ZNF140: variants seen among roughly 807,000 people sequenced by gnomAD.
ZNF140 encodes the protein zinc finger protein 140 (clone pHZ-39).
ZNF140 carries 13 observed loss-of-function variants against 12.9 expected under a neutral mutation model. The ratio of observed to expected loss-of-function variants is 1.01; its 90% CI spans 0.66 to 1.60. ZNF140 has a LOEUF of 1.60. Among genes scored for constraint, ZNF140 ranks in the 40% most tolerant of loss-of-function variants. The pLI is 0.00. For missense variants in ZNF140, 531 were observed against 548.8 expected (o/e 0.97, Z 0.32); for synonymous variants, 214 against 186.7 (o/e 1.15, Z -1.19).
At chr12:133,081,807 T>C in intron 2 of ZNF140, 1 of 244,426 alleles carries the variant, frequency 4.1e-6, no homozygotes, top group Non-Finnish European at 8.3e-6. Flanking sequence ...TTATTCAATA[T>C]GTTTTTACTG....
Position 133,105,912 on chromosome 12 carries a change from C to T in ZNF140, c.635C>T (p.Thr212Ile). Residue 212 changes from threonine to isoleucine, a missense_variant, in exon 5 of 5, where the codon ACT (threonine) becomes ATT (isoleucine). Physicochemically the swap from Thr to Ile is moderately conservative, Grantham distance 89. Coordinates refer to ENST00000355557, the MANE Select transcript of ZNF140 (RefSeq NM_003440.4). ...CTTGTGAAACACCAAATGATACATA[C>T]TGGAAAGAAACCCCATGAGTGTAAG... ...SNLVKHQMIH[T>I]GKKPHECKDC... The T allele has an allele frequency of 6.2e-7, 1 of 1,614,138 alleles. No homozygotes were observed.
intron 4 of ZNF140, among the ~76,000 whole-genome samples, chr12:133,104,603 G>A (rs1470909019): frequency 5.3e-5 from 8 of 152,126 alleles, no homozygotes; most frequent in South Asian, 2.1e-4. Flanking sequence ...TGCCCGCCTT[G>A]GCCTCCCAAA....
chr12:133,095,738 A>G (rs998343960), intron 4 of ZNF140, among the ~76,000 whole-genome samples: 16 of 151,590 alleles, frequency 1.1e-4, no homozygotes, highest in East Asian at 3.9e-4. Flanking sequence ...CATGTGAGCA[A>G]AAGAATCTAT....
chr12:133,090,801 C>T (rs1290451737), intron 4 of ZNF140, among the ~76,000 whole-genome samples: 18 of 136,382 alleles, frequency 1.3e-4, no homozygotes, highest in Admixed American at 3.8e-4. Flanking sequence ...AACATGTGAG[C>T]AAAAGAATCT....
chr12:133,091,936 G>A (rs1052888971), intron 4 of ZNF140, among the ~76,000 whole-genome samples: 9 of 151,136 alleles, frequency 6.0e-5, no homozygotes, highest in East Asian at 1.9e-4. Context: ...AAAATCTGAC[G>A]TAGTCCAGTC....
chr12:133,081,982 A>G (rs1369887341), intron 2 of ZNF140: 1 of 154,880 alleles, frequency 6.5e-6, no homozygotes, highest in East Asian at 1.9e-4. Flanking sequence ...AAGTGATTCT[A>G]ATGTGCAACT....
chr12:133,096,476 A>G (rs1019049212), intron 4 of ZNF140, among the ~76,000 whole-genome samples: 17 of 152,334 alleles, frequency 1.1e-4, no homozygotes, highest in Middle Eastern at 3.4e-3. Context: ...TCTTTTCCGT[A>G]CAATTTACAT....
chr12:133,103,632 T>G (rs61951769), intron 4 of ZNF140, among the ~76,000 whole-genome samples: 4,077 of 152,196 alleles, frequency 0.027, 72 homozygotes, highest in Non-Finnish European at 0.045. Context: ...CAGTTCCCAG[T>G]AAGTTTCCTT....
intron 4 of ZNF140, among the ~76,000 whole-genome samples, chr12:133,096,604 T>C (rs1955139300): frequency 6.6e-6 from 1 of 152,266 alleles, no homozygotes; most frequent in Admixed American, 6.5e-5. Flanking sequence ...GTTCAACATA[T>C]TTTTAAGTTT....
chr12:133,081,242 T>G, intron 1 of ZNF140, 31 bp from the exon 2 acceptor site: 5 of 1,308,130 alleles, frequency 3.8e-6, no homozygotes, highest in Non-Finnish European at 5.3e-6. Context: ...AGCTGGCCTG[T>G]TCGCTCAGGG....
chr12:133,084,408 A>G (rs1411941960), intron 4 of ZNF140, among the ~76,000 whole-genome samples: 5 of 152,222 alleles, frequency 3.3e-5, no homozygotes, highest in Admixed American at 1.3e-4. Context: ...ATTAAGTGCT[A>G]CAGAGACTAG....
chr12:133,090,326 A>C (rs1425836277), intron 4 of ZNF140, among the ~76,000 whole-genome samples: 2 of 152,014 alleles, frequency 1.3e-5, no homozygotes, highest in South Asian at 2.1e-4. Context: ...TTTTATTTGT[A>C]AAGACAGAGT....
intron 3 of ZNF140, 112 bp from the exon 4 acceptor site, chr12:133,083,354 G>A (rs1277315282): frequency 2.4e-5 from 36 of 1,490,008 alleles, no homozygotes; most frequent in African/African-American, 2.2e-4. Context: ...AGATGGGGAC[G>A]TAACTGCACC....
rs772368685 is a variant in ZNF140 at position 133,106,696 on chromosome 12, AAAG to A, written c.*49_*51del. 30 of 1,475,638 alleles carry A rather than the reference AAAG, an allele frequency of 2.0e-5. No individual in the cohort carries two copies. Among genetic ancestry groups the A allele is most frequent in the Middle Eastern group, 1.8e-4 (1 of 5,576 alleles). The allele number at this position is 1,475,638 out of a possible 1,614,324, so 91.4% of individuals were successfully genotyped here. A position where few individuals can be genotyped will look rare whatever the true frequency, so the allele number is the denominator to read the frequency against. ...ACTATGAATGTATGGAATTTTTTAAAAAGAAGTATAATGCCTTACTTCAGAGAA... is the reference window on the plus strand; with the variant it reads ...ACTATGAATGTATGGAATTTTTTAAAAAGTATAATGCCTTACTTCAGAGAA... On this transcript the variant is annotated 3_prime_UTR_variant, in exon 5 of 5. Transcript: ENST00000355557.
chr12:133,090,758 A>G (rs887706536), intron 4 of ZNF140, among the ~76,000 whole-genome samples: 56 of 145,888 alleles, frequency 3.8e-4, no homozygotes, highest in South Asian at 1.1e-3. Context: ...GTAGTAGGAG[A>G]GCAGGGTGAT....
chr12:133,081,804 A>G lies in ZNF140; in HGVS notation c.9+475A>G, dbSNP rs757139257. On this transcript the variant is annotated intron_variant, in intron 2 of 4. Coordinates refer to ENST00000355557, the MANE Select transcript of ZNF140 (RefSeq NM_003440.4). ...CAGCGCCCCTTTATTCATTTATTCA[A>G]TATGTTTTTACTGAACCTCTACTTT... 567 of 246,098 alleles carry G rather than the reference A, an allele frequency of 2.3e-3. 2 individuals are homozygous for G. The highest frequency in any genetic ancestry group is 3.7e-3 in the Non-Finnish European group (451 of 120,800). 15.2% of individuals were successfully genotyped at this position (246,098 alleles called of 1,614,324 possible).
At chr12:133,099,317 C>T (rs1205008500) in intron 4 of ZNF140, among the ~76,000 whole-genome samples, 1 of 152,064 alleles carries the variant, frequency 6.6e-6, no homozygotes, top group Non-Finnish European at 1.5e-5. Flanking sequence ...ACTGGGATTA[C>T]AGGTGCACAC....
intron 4 of ZNF140, among the ~76,000 whole-genome samples, chr12:133,105,288 A>G (rs1028394369): frequency 6.6e-6 from 1 of 152,142 alleles, no homozygotes; most frequent in Non-Finnish European, 1.5e-5. Flanking sequence ...TGCTCTTTCA[A>G]TTACTTACGT....
rs1382689694 is a variant in ZNF140 at position 133,081,378 on chromosome 12, TA to T, written c.9+50del. 1,070 of 252,904 alleles carry T rather than the reference TA, an allele frequency of 4.2e-3. 32 individuals carry two copies. Among genetic ancestry groups the T allele is most frequent in the African/African-American group, 0.013 (547 of 41,514 alleles). 15.7% of individuals were successfully genotyped at this position (252,904 alleles called of 1,614,324 possible). On this transcript the variant is annotated intron_variant, in intron 2 of 4. Transcript: ENST00000355557. ...ATATATATATATATATATAAATTTT[TA>T]TTTTTTTTTTAAGAGAGAGACAGGG...
Sources: gnomAD v4.1 joint callset for allele counts (sites outside exome capture counted in the v4.1 genomes callset) on GRCh38, gnomAD v4.1.1 for gene constraint, MANE v1.5 for transcripts, NCBI Gene and HGNC (gene_info 2026-07-23, HGNC 2026-07-21) for gene names.